RORA: variants seen among roughly 807,000 people sequenced by gnomAD.
RORA encodes the protein RAR related orphan receptor A.
RORA carries 7 observed loss-of-function variants against 69.5 expected under a neutral mutation model. That is an observed-to-expected ratio of 0.10 (90% CI 0.06 to 0.19). The LOEUF (loss-of-function observed/expected upper bound fraction) is 0.19, where lower values mean the gene tolerates loss of function less well. Ranked by LOEUF, RORA falls within the 10% of genes least tolerant of loss-of-function variation. The probability of loss-of-function intolerance (pLI) is 1.00; values close to 1 mark genes in which losing one functional copy is unlikely to be tolerated. For synonymous variants in RORA, 261 were observed against 240.8 expected, an observed-to-expected ratio of 1.08 and a Z score of -0.78; for missense variants, 457 against 663.0, an observed-to-expected ratio of 0.69 and a Z score of 3.41.
chr15:60,819,147 G>C (rs776400520), intron 1 of RORA, among the ~76,000 whole-genome samples: 4 of 152,212 alleles, frequency 2.6e-5, no homozygotes, highest in Non-Finnish European at 5.9e-5. Context: ...GCAAGCAACA[G>C]TCTTGTCTTT....
At chr15:61,223,944 A>G (rs1192315713) in intron 1 of RORA, among the ~76,000 whole-genome samples, 1 of 151,906 alleles carries the variant, frequency 6.6e-6, no homozygotes, top group African/African-American at 2.4e-5. Context: ...CAGCCTAAAA[A>G]GATGGGTGAA....
At position 60,649,115 on chromosome 15, in the gene RORA, C is replaced by T. The variant is rs115934938; in HGVS notation, c.196+29542G>A. Among the ~76,000 whole-genome samples the T allele has an allele frequency of 4.5e-3, 689 of 152,184 alleles. 2 individuals carry two copies. The highest frequency in any genetic ancestry group is 0.016 in the African/African-American group (658 of 41,492). Reference sequence around the variant, plus strand: ...AATATTCCCATTCCAAGCCATAGCCCGTCACTTTTGTGGCTGTTCAGATGA... The same window carrying T: ...AATATTCCCATTCCAAGCCATAGCCTGTCACTTTTGTGGCTGTTCAGATGA... On this transcript the variant is annotated intron_variant, in intron 2 of 10. Transcript: ENST00000335670.
intron 1 of RORA, among the ~76,000 whole-genome samples, chr15:60,939,689 C>T (rs12438315): frequency 0.15 from 23,463 of 152,244 alleles, 1,926 homozygotes; most frequent in Admixed American, 0.2. Context: ...GGGGACAGCA[C>T]ATTTTTCAGG....
At chr15:60,996,259 C>T (rs543219752) in intron 1 of RORA, among the ~76,000 whole-genome samples, 324 of 151,878 alleles carry the variant, frequency 2.1e-3, no homozygotes, top group Non-Finnish European at 2.8e-3. Flanking sequence ...TTAGTAGGGA[C>T]GGGGTTTGCA....
intron 1 of RORA, among the ~76,000 whole-genome samples, chr15:60,796,878 A>G (rs1253777648): frequency 2.0e-5 from 3 of 152,016 alleles, no homozygotes; most frequent in African/African-American, 7.2e-5. Flanking sequence ...AAGGACCCAT[A>G]CAGGCTACAT....
rs938092101 is a variant in RORA, at chr15:60,537,744, A to G, written c.197-5893T>C. On this transcript the variant is annotated intron_variant, in intron 2 of 10. Transcript: ENST00000335670. This position sits in a 1 kb window ranked among gnomAD's most constrained non-coding sequence, Gnocchi z 4.9. ...GGTCTGCTAAGTTCATTTTAAATAT[A>G]ACACTAATATGTTTCCCTAGTACAT... 6.6e-6 allele frequency among the ~76,000 whole-genome samples: 1 copy of G among 152,190 alleles called. No homozygotes were observed. The highest frequency in any genetic ancestry group is 1.5e-5 in the Non-Finnish European group (1 of 68,034).
chr15:61,217,961 C>T (rs2080056079), intron 1 of RORA, among the ~76,000 whole-genome samples: 1 of 152,114 alleles, frequency 6.6e-6, no homozygotes, highest in African/African-American at 2.4e-5. Context: ...ACATCAGTTA[C>T]TGTGGAAACA....
chr15:60,912,065 T>C lies in RORA; in HGVS notation c.167-233379A>G, dbSNP rs574708466. The stretch of plus-strand genomic sequence containing the variant: ...GTGGAGAAAGGGCACAACAGGCATA[T>C]TAGAAACTCCTCAGTTTGTCCAATA... On this transcript the variant is annotated intron_variant, in intron 1 of 10. Coordinates refer to ENST00000335670, the MANE Select transcript of RORA (RefSeq NM_134261.3). Among the ~76,000 whole-genome samples the C allele has an allele frequency of 5.3e-5, 8 of 152,188 alleles. No individual in the cohort carries two copies. In the South Asian group the frequency reaches 1.5e-3, roughly 28 times the overall value.
intron 1 of RORA, among the ~76,000 whole-genome samples, chr15:60,841,723 C>T (rs759656315): frequency 3.3e-5 from 5 of 152,168 alleles, no homozygotes; most frequent in African/African-American, 7.2e-5. Context: ...CATTTTCTGC[C>T]CTCGTTCTCT....
chr15:60,561,807 C>G (rs1308198705), intron 2 of RORA, among the ~76,000 whole-genome samples: 2 of 152,062 alleles, frequency 1.3e-5, no homozygotes, highest in African/African-American at 2.4e-5. Context: ...CAGTGACACT[C>G]CCCCCATGCA....
At chr15:60,607,105 A>G (rs2068963773) in intron 2 of RORA, among the ~76,000 whole-genome samples, 1 of 152,214 alleles carries the variant, frequency 6.6e-6, no homozygotes, top group Admixed American at 6.5e-5. Context: ...ATAAATATTG[A>G]AGGAAGAGAT....
At chr15:60,705,051 C>A (rs536095447) in intron 1 of RORA, among the ~76,000 whole-genome samples, 7 of 151,746 alleles carry the variant, frequency 4.6e-5, no homozygotes, top group Admixed American at 1.3e-4. Context: ...GTTTTCGTCT[C>A]GAAAATTTTG....
chr15:60,812,622 AT>A (rs2072759755), intron 1 of RORA, among the ~76,000 whole-genome samples: 2 of 152,344 alleles, frequency 1.3e-5, no homozygotes, highest in East Asian at 1.9e-4. Flanking sequence ...GTCATCTCAT[AT>A]TTTTAAGGAC....
At chr15:61,176,381 T>C (rs2079629574) in intron 1 of RORA, 1 of 152,250 alleles carries the variant, frequency 6.6e-6, no homozygotes, top group South Asian at 2.1e-4. Context: ...TGGGTGCGGC[T>C]GGGAGATCAC....
intron 1 of RORA, among the ~76,000 whole-genome samples, chr15:61,048,009 G>C (rs978310115): frequency 1.3e-5 from 2 of 152,306 alleles, no homozygotes; most frequent in Admixed American, 1.3e-4. Flanking sequence ...ATGTAAGTAA[G>C]CATTTAGATA....
chr15:61,068,774 C>G (rs2078299390), intron 1 of RORA, among the ~76,000 whole-genome samples: 1 of 152,210 alleles, frequency 6.6e-6, no homozygotes, highest in African/African-American at 2.4e-5. Flanking sequence ...AGACCTGCAA[C>G]AAGTCACCCA....
intron 1 of RORA, among the ~76,000 whole-genome samples, chr15:60,778,423 T>C (rs2072206133): frequency 6.6e-6 from 1 of 152,108 alleles, no homozygotes; most frequent in African/African-American, 2.4e-5. Context: ...TTACCTTAGG[T>C]TATGTGGCAA....
intron 2 of RORA, among the ~76,000 whole-genome samples, chr15:60,616,221 T>C (rs1235317223): frequency 6.6e-6 from 1 of 152,154 alleles, no homozygotes; most frequent in Admixed American, 6.5e-5. Flanking sequence ...AACATGTGAA[T>C]TGGCAGTGTT....
intron 3 of RORA, among the ~76,000 whole-genome samples, chr15:60,519,070 T>C (rs2066065420): frequency 6.6e-6 from 1 of 152,240 alleles, no homozygotes; most frequent in African/African-American, 2.4e-5. Flanking sequence ...GCCTAATTTA[T>C]AAGTTCAACT....
Sources: allele counts gnomAD v4.1 joint callset (sites outside exome capture counted in the v4.1 genomes callset), GRCh38; gene constraint gnomAD v4.1.1; non-coding constraint Gnocchi (gnomAD v3.1); transcripts MANE v1.5; gene names NCBI Gene and HGNC (gene_info 2026-07-23, HGNC 2026-07-21).